ADGRL2: variants seen among roughly 807,000 people sequenced by gnomAD.
The protein encoded by ADGRL2 is adhesion G protein-coupled receptor L2.
A neutral mutation model predicts 157.4 loss-of-function variants in ADGRL2; 44 were observed. The observed-to-expected ratio is 0.28, with a 90% CI of 0.22 to 0.36. ADGRL2 has a LOEUF of 0.36. Among genes scored for constraint, ADGRL2 ranks in the 10% least tolerant of loss-of-function variants. The pLI, the probability that ADGRL2 is intolerant of heterozygous loss-of-function variation, is 1.00. For missense variants in ADGRL2, 1,510 were observed against 1,768.9 expected (o/e 0.85, Z 2.63); for synonymous variants, 585 against 624.7 (o/e 0.94, Z 0.95).
At chr1:81,475,844 T>C (rs2078261268) in intron 2 of ADGRL2, among the ~76,000 whole-genome samples, 1 of 152,110 alleles carries the variant, frequency 6.6e-6, no homozygotes, top group African/African-American at 2.4e-5. Context: ...TTCAGAAAAA[T>C]TGTGAGGCTA....
chr1:81,701,640 G>T (rs995107612), intron 1 of ADGRL2, among the ~76,000 whole-genome samples: 3 of 152,048 alleles, frequency 2.0e-5, no homozygotes, highest in African/African-American at 4.8e-5. Context: ...CACTACACCA[G>T]GAACATCTGA....
At chr1:81,689,769 C>G (rs1452908185) in intron 3 of ADGRL2, among the ~76,000 whole-genome samples, 2 of 152,164 alleles carry the variant, frequency 1.3e-5, no homozygotes, top group Non-Finnish European at 2.9e-5. Context: ...CAGGAAGGAG[C>G]CAGTGCGTTT....
intron 1 of ADGRL2, among the ~76,000 whole-genome samples, 94 bp downstream of exon 1, chr1:81,801,162 T>C (rs888527165): frequency 1.3e-5 from 2 of 152,140 alleles, no homozygotes; most frequent in African/African-American, 4.8e-5. Context: ...TGGGCGACAA[T>C]GAGTTATAGA....
At chr1:81,695,657 C>T (rs2083427594), upstream of ADGRL2, among the ~76,000 whole-genome samples, 1 of 152,134 alleles carries the variant, frequency 6.6e-6, no homozygotes, top group Admixed American at 6.5e-5. Flanking sequence ...CCCATCTCTA[C>T]TAAAAGTGCA....
intron 2 of ADGRL2, among the ~76,000 whole-genome samples, chr1:81,560,668 G>A (rs12022306): frequency 0.22 from 33,499 of 152,012 alleles, 6,710 homozygotes; most frequent in African/African-American, 0.52. Flanking sequence ...TGTTAGATAA[G>A]TGCCTCATCA....
rs752742976 is a variant in ADGRL2, at chr1:81,956,032, A to G, written c.1989A>G (p.Thr663=). 6.2e-7 allele frequency: 1 copy of G among 1,604,892 alleles called. No individual in the cohort carries two copies. Among genetic ancestry groups the G allele is most frequent in the East Asian group, 2.2e-5 (1 of 44,572 alleles). The part of the protein sequence containing the change: ...FVLADNLLEP[T]RVSMPTENIV... Reference sequence around the variant, plus strand: ...TAGCTGACAATCTTTTAGAACCAACAAGGGTCTCAATGCCCACAGAAAATA... The same window carrying G: ...TAGCTGACAATCTTTTAGAACCAACGAGGGTCTCAATGCCCACAGAAAATA... The change falls in exon 11 of 24, where the codon ACA becomes ACG. Residue 663 remains threonine, a synonymous_variant. Coordinates refer to ENST00000686636, the MANE Select transcript of ADGRL2 (RefSeq NM_001366006.2).
intron 1 of ADGRL2, among the ~76,000 whole-genome samples, chr1:81,367,442 C>T (rs1169740898): frequency 6.6e-6 from 1 of 152,178 alleles, no homozygotes; most frequent in Non-Finnish European, 1.5e-5. Flanking sequence ...CATCATTCAG[C>T]TCCCACTTAT....
intron 2 of ADGRL2, among the ~76,000 whole-genome samples, chr1:81,450,718 G>A (rs2077687263): frequency 6.6e-6 from 1 of 151,916 alleles, no homozygotes. Flanking sequence ...TGAATGTTTT[G>A]CAAGCAGATG....
intron 2 of ADGRL2, among the ~76,000 whole-genome samples, chr1:81,847,709 C>G (rs1035324051): frequency 6.6e-6 from 1 of 151,886 alleles, no homozygotes; most frequent in Non-Finnish European, 1.5e-5. Flanking sequence ...ATATTTCCCT[C>G]TATTCCCTAT....
intron 1 of ADGRL2, among the ~76,000 whole-genome samples, chr1:81,350,206 TAAGTGCATAGCTATAA>T (rs1288189376): frequency 6.6e-6 from 1 of 152,206 alleles, no homozygotes; most frequent in Non-Finnish European, 1.5e-5. Flanking sequence ...TTTGAGTTCA[TAAGTGCATAGCTATAA>T]CTTTGCCTAA....
At chr1:81,396,777 T>C (rs941660101) in intron 1 of ADGRL2, among the ~76,000 whole-genome samples, 2 of 152,190 alleles carry the variant, frequency 1.3e-5, no homozygotes, top group Non-Finnish European at 2.9e-5. Flanking sequence ...ATTTATCATG[T>C]TTATTGATTT....
intron 3 of ADGRL2, among the ~76,000 whole-genome samples, chr1:81,624,061 G>A (rs981757294): frequency 6.6e-6 from 1 of 152,102 alleles, no homozygotes; most frequent in Non-Finnish European, 1.5e-5. Context: ...CCCAGGAGTA[G>A]CGAAGACCAT....
chr1:81,795,567 T>C (rs1020102889), upstream of ADGRL2, among the ~76,000 whole-genome samples: 1 of 152,204 alleles, frequency 6.6e-6, no homozygotes, highest in African/African-American at 2.4e-5. Context: ...AATTGTATAT[T>C]TGACTCACTT....
intron 2 of ADGRL2, among the ~76,000 whole-genome samples, chr1:81,551,661 G>A (rs894623103): frequency 2.6e-5 from 4 of 152,058 alleles, no homozygotes; most frequent in African/African-American, 9.7e-5. Context: ...AATGTCTAAA[G>A]AATGCTGGGT....
At chr1:81,616,875 G>A (rs76011694) in intron 3 of ADGRL2, among the ~76,000 whole-genome samples, 19,088 of 151,842 alleles carry the variant, frequency 0.13, 1,654 homozygotes, top group Non-Finnish European at 0.18. Context: ...CAAGGGTTTC[G>A]TCATTTTGCC....
intron 1 of ADGRL2, among the ~76,000 whole-genome samples, chr1:81,725,203 C>CAA (rs71592739): frequency 0.011 from 868 of 77,242 alleles, 17 homozygotes; most frequent in East Asian, 0.041. Context: ...GACCCCGTCT[C>CAA]AAAAAAAAAA....
At chr1:81,765,556 A>G (rs575463372) in intron 2 of ADGRL2, among the ~76,000 whole-genome samples, 5 of 152,084 alleles carry the variant, frequency 3.3e-5, no homozygotes, top group Non-Finnish European at 7.4e-5. Flanking sequence ...TCAAAACAGA[A>G]TAAATCTTCA....
chr1:81,689,255 G>A (rs1016862755), intron 3 of ADGRL2, among the ~76,000 whole-genome samples: 3 of 152,164 alleles, frequency 2.0e-5, no homozygotes, highest in East Asian at 1.9e-4. Context: ...CTAGGATATC[G>A]TAAATCTTTC....
chr1:81,435,796 A>G (rs943992889), intron 1 of ADGRL2, among the ~76,000 whole-genome samples: 2 of 152,174 alleles, frequency 1.3e-5, no homozygotes, highest in African/African-American at 4.8e-5. Flanking sequence ...AATGATGAAT[A>G]AAAAATCATA....
Sources: gnomAD v4.1 joint callset for allele counts (sites outside exome capture counted in the v4.1 genomes callset) on GRCh38, gnomAD v4.1.1 for gene constraint, MANE v1.5 for transcripts, NCBI Gene and HGNC (gene_info 2026-07-23, HGNC 2026-07-21) for gene names.